Variants in RNF13 observed in about 807,000 individuals in gnomAD.
RNF13 encodes the protein E3 ubiquitin-protein ligase RNF13.
Under a neutral mutation model 37.7 loss-of-function variants are expected in RNF13, and 19 were observed. That is an observed-to-expected ratio of 0.50 (90% CI 0.35 to 0.74). The LOEUF is 0.74. Among genes scored for constraint, RNF13 ranks in the 30% least tolerant of loss-of-function variants. RNF13 has a pLI of 0.01. For missense variants in RNF13, 375 were observed against 453.0 expected (o/e 0.83, Z 1.56); for synonymous variants, 144 against 157.8 (o/e 0.91, Z 0.65).
intron 7 of RNF13, chr3:149,917,428 T>C (rs2108528828): frequency 6.6e-6 from 1 of 152,328 alleles, no homozygotes; most frequent in Middle Eastern, 3.4e-3. Flanking sequence ...AATTTTAGTA[T>C]ATGTGTTGCT....
At chr3:149,835,304 T>G (rs1466315251) in intron 1 of RNF13, among the ~76,000 whole-genome samples, 1 of 152,202 alleles carries the variant, frequency 6.6e-6, no homozygotes, top group Non-Finnish European at 1.5e-5. Flanking sequence ...TTAAAAAATT[T>G]TTTTATTTCC....
chr3:149,931,270 T>A (rs1719136318), intron 8 of RNF13, among the ~76,000 whole-genome samples: 1 of 152,126 alleles, frequency 6.6e-6, no homozygotes, highest in African/African-American at 2.4e-5. Context: ...GGTCTCACTA[T>A]GTTGCCAGGT....
At chr3:149,885,087 C>T (rs1295190341) in intron 4 of RNF13, among the ~76,000 whole-genome samples, 2 of 152,112 alleles carry the variant, frequency 1.3e-5, no homozygotes, top group Non-Finnish European at 2.9e-5. Context: ...GAATAGTACT[C>T]CATTGTGTCT....
At chr3:149,956,501 C>T (rs769772923) in intron 8 of RNF13, among the ~76,000 whole-genome samples, 1 of 152,138 alleles carries the variant, frequency 6.6e-6, no homozygotes, top group Non-Finnish European at 1.5e-5. Context: ...TTTTCTGTAT[C>T]TGATGAGCCA....
At chr3:149,861,426 A>T (rs1187731154) in intron 3 of RNF13, among the ~76,000 whole-genome samples, 1 of 152,182 alleles carries the variant, frequency 6.6e-6, no homozygotes, top group Non-Finnish European at 1.5e-5. Context: ...TATATATGGA[A>T]TGTAATACTA....
intron 3 of RNF13, among the ~76,000 whole-genome samples, chr3:149,868,895 T>A (rs553749481): frequency 6.6e-6 from 1 of 151,914 alleles, no homozygotes; most frequent in South Asian, 2.1e-4. Context: ...TTTCTCAAGT[T>A]TTGGAAAGTT....
chr3:149,854,137 G>A (rs1452769253), intron 3 of RNF13, among the ~76,000 whole-genome samples: 1 of 151,756 alleles, frequency 6.6e-6, no homozygotes, highest in Admixed American at 6.6e-5. Context: ...TGCCTAGCCA[G>A]AATTTCTTAG....
intron 8 of RNF13, among the ~76,000 whole-genome samples, chr3:149,943,143 C>T (rs1031588132): frequency 9.4e-5 from 14 of 149,682 alleles, no homozygotes; most frequent in African/African-American, 3.4e-4. Context: ...CTGCAGTTTT[C>T]TTTTTTTGTA....
intron 8 of RNF13, among the ~76,000 whole-genome samples, chr3:149,958,123 A>G (rs1289254573): frequency 6.6e-6 from 1 of 152,228 alleles, no homozygotes; most frequent in Admixed American, 6.5e-5. Flanking sequence ...ACATTTAAAG[A>G]TAACCCAAAT....
intron 1 of RNF13, among the ~76,000 whole-genome samples, chr3:149,841,058 CT>C (rs898946247): frequency 1.3e-5 from 2 of 152,252 alleles, no homozygotes; most frequent in African/African-American, 4.8e-5. Context: ...GAATCAGAGA[CT>C]TTTTTTGTTT....
chr3:149,817,697 C>T (rs73870434), intron 1 of RNF13, among the ~76,000 whole-genome samples: 4,536 of 152,176 alleles, frequency 0.03, 82 homozygotes, highest in South Asian at 0.036. Context: ...TACCATTTTT[C>T]CCATTCTGTA....
At position 149,865,343 on chromosome 3, in the gene RNF13, T is replaced by TATATATATATATATATATATATATATA. The variant is rs939468937; in HGVS notation, c.196-6678_196-6677insATATATATATATATATATAATATATAT. Among the ~76,000 whole-genome samples, 1,391 of 146,776 alleles carry TATATATATATATATATATATATATATA rather than the reference T, an allele frequency of 9.5e-3. 20 individuals are homozygous for TATATATATATATATATATATATATATA. Among genetic ancestry groups the TATATATATATATATATATATATATATA allele is most frequent in the Non-Finnish European group, 0.016 (1,051 of 66,414 alleles). ...GATGTTTTGGTGATATATATATATATATATATATGTATAAAACAGACATTA... is the reference window on the plus strand; with the variant it reads ...GATGTTTTGGTGATATATATATATATATATATATATATATATATATATATATAATATATATGTATAAAACAGACATTA... On this transcript the variant is annotated intron_variant, in intron 3 of 9. Coordinates refer to ENST00000392894, the MANE Select transcript of RNF13 (RefSeq NM_183381.3).
At chr3:149,932,113 T>G (rs987218640) in intron 8 of RNF13, among the ~76,000 whole-genome samples, 2 of 152,218 alleles carry the variant, frequency 1.3e-5, no homozygotes, top group Non-Finnish European at 2.9e-5. Flanking sequence ...ATTCCATATC[T>G]TGGCTATTGT....
At chr3:149,894,403 T>C (rs535625806) in intron 4 of RNF13, among the ~76,000 whole-genome samples, 1 of 152,296 alleles carries the variant, frequency 6.6e-6, no homozygotes, top group Non-Finnish European at 1.5e-5. Context: ...AACTTGACTC[T>C]TTGGGCTTTC....
At chr3:149,858,066 C>T (rs1272562834) in intron 3 of RNF13, among the ~76,000 whole-genome samples, 3 of 152,162 alleles carry the variant, frequency 2.0e-5, no homozygotes, top group African/African-American at 4.8e-5. Context: ...AGCCAGGACA[C>T]CGCTTAGGTT....
At chr3:149,959,393 G>A (rs762217296) in intron 8 of RNF13, among the ~76,000 whole-genome samples, 13 of 110,032 alleles carry the variant, frequency 1.2e-4, no homozygotes, top group Non-Finnish European at 2.6e-4. Context: ...AAAGAGCTAT[G>A]AATTAATAAA....
At chr3:149,822,495 A>C (rs1720081899) in intron 1 of RNF13, 1 of 152,092 alleles carries the variant, frequency 6.6e-6, no homozygotes, top group African/African-American at 2.4e-5. Flanking sequence ...ACAGTCATTT[A>C]CTTTCTTTTT....
intron 3 of RNF13, among the ~76,000 whole-genome samples, chr3:149,869,140 A>T (rs1270238681): frequency 6.6e-6 from 1 of 151,240 alleles, no homozygotes; most frequent in Non-Finnish European, 1.5e-5. Context: ...CCTTTAATGA[A>T]TTTTTCAGGT....
At chr3:149,868,348 T>G (rs1711579906) in intron 3 of RNF13, among the ~76,000 whole-genome samples, 1 of 151,790 alleles carries the variant, frequency 6.6e-6, no homozygotes, top group African/African-American at 2.4e-5. Context: ...GTCTTTATTC[T>G]TTCAGATTAA....
Sources: gnomAD v4.1 joint callset for allele counts (sites outside exome capture counted in the v4.1 genomes callset) on GRCh38, gnomAD v4.1.1 for gene constraint, MANE v1.5 for transcripts, NCBI Gene and HGNC (gene_info 2026-07-23, HGNC 2026-07-21) for gene names.